ARHGAP18: variants seen among roughly 807,000 people sequenced by gnomAD.
ARHGAP18 encodes the protein Rho GTPase activating protein 18.
Under a neutral mutation model 86.2 loss-of-function variants are expected in ARHGAP18, and 67 were observed. The observed-to-expected ratio is 0.78, with a 90% CI of 0.64 to 0.95. ARHGAP18 has a LOEUF of 0.95. Among genes scored for constraint, ARHGAP18 ranks in the 40% least tolerant of loss-of-function variants. The pLI is 0.00. For missense variants in ARHGAP18, 691 were observed against 780.4 expected, an observed-to-expected ratio of 0.89 and a Z score of 1.37; for synonymous variants, 283 against 280.4, an observed-to-expected ratio of 1.01 and a Z score of -0.09.
chr6:129,606,920 G>C (rs1584040350), intron 9 of ARHGAP18, among the ~76,000 whole-genome samples: 1 of 151,736 alleles, frequency 6.6e-6, no homozygotes, highest in African/African-American at 2.4e-5. Flanking sequence ...GAGTACAGTG[G>C]TGTGATTTTG....
At chr6:129,613,090 A>G (rs923948280) in intron 7 of ARHGAP18, among the ~76,000 whole-genome samples, 6 of 151,974 alleles carry the variant, frequency 3.9e-5, no homozygotes, top group African/African-American at 1.4e-4. Context: ...AAAATTAGCC[A>G]GGCGTGGTGG....
intron 12 of ARHGAP18, among the ~76,000 whole-genome samples, chr6:129,584,817 T>C (rs1391775101): frequency 6.6e-6 from 1 of 152,186 alleles, no homozygotes; most frequent in Admixed American, 6.5e-5. Context: ...TTTATAACCA[T>C]TATGACTTAG....
intron 3 of ARHGAP18, among the ~76,000 whole-genome samples, chr6:129,637,317 G>C (rs1483896956): frequency 6.6e-6 from 1 of 151,990 alleles, no homozygotes; most frequent in Middle Eastern, 3.2e-3. Flanking sequence ...CAAAGTGCTG[G>C]GATAACAGCT....
intron 8 of ARHGAP18, among the ~76,000 whole-genome samples, chr6:129,608,774 G>A (rs766129787): frequency 8.6e-5 from 13 of 152,030 alleles, no homozygotes; most frequent in African/African-American, 1.7e-4. Context: ...ATCCTATCAC[G>A]TTAAAAACCA....
chr6:129,624,036 AG>A (rs1789287676), intron 5 of ARHGAP18, among the ~76,000 whole-genome samples: 1 of 152,174 alleles, frequency 6.6e-6, no homozygotes, highest in Admixed American at 6.5e-5. Context: ...AGGTAGGTGA[AG>A]GTAAATTAGT....
chr6:129,646,617 A>AT (rs945063217), intron 1 of ARHGAP18, among the ~76,000 whole-genome samples: 1 of 152,180 alleles, frequency 6.6e-6, no homozygotes, highest in African/African-American at 2.4e-5. Context: ...TAAAAAGGCC[A>AT]TTTTTCAAAT....
In ARHGAP18 at chr6:129,694,428, G is replaced by A. The variant is rs571424877; in HGVS notation, c.113+15596C>T. 1.1e-4 allele frequency among the ~76,000 whole-genome samples: 17 copies of A among 152,268 alleles called. 1 individual carries two copies. In the South Asian group the frequency reaches 3.3e-3, roughly 30 times the overall value. On this transcript the variant is annotated intron_variant, in intron 1 of 14. Coordinates refer to ENST00000368149, the MANE Select transcript of ARHGAP18 (RefSeq NM_033515.3). ...TTGCTATGAGGATTAAATGAGGTAA[G>A]ATAGCCTCTCCAACTCAGTGGCAGT... is the stretch of plus-strand genomic sequence containing the variant.
At chr6:129,614,880 G>A (rs58819072) in intron 7 of ARHGAP18, among the ~76,000 whole-genome samples, 22,684 of 151,756 alleles carry the variant, frequency 0.15, 1,820 homozygotes, top group Middle Eastern at 0.19. Context: ...CCAAAGAAGC[G>A]GCAATTTTGC....
chr6:129,677,112 G>A (rs779303355), intron 1 of ARHGAP18, among the ~76,000 whole-genome samples: 1 of 151,918 alleles, frequency 6.6e-6, no homozygotes, highest in East Asian at 1.9e-4. Flanking sequence ...GCTTATGTTG[G>A]CCGGGCGCGG....
chr6:129,693,324 T>C (rs184298999), intron 1 of ARHGAP18, among the ~76,000 whole-genome samples: 1 of 152,364 alleles, frequency 6.6e-6, no homozygotes, highest in East Asian at 1.9e-4. Flanking sequence ...CAACCATTAA[T>C]GCCAGCAGTG....
chr6:129,590,901 T>C (rs75041561), intron 12 of ARHGAP18, among the ~76,000 whole-genome samples: 15 of 152,252 alleles, frequency 9.9e-5, no homozygotes, highest in African/African-American at 3.4e-4. Flanking sequence ...AATACAGAGA[T>C]TGAGAGTTTG....
intron 3 of ARHGAP18, among the ~76,000 whole-genome samples, chr6:129,634,816 A>C (rs1773297944): frequency 1.3e-5 from 2 of 152,180 alleles, no homozygotes; most frequent in African/African-American, 4.8e-5. Flanking sequence ...ATGGTATGTG[A>C]ATTATATCTC....
In ARHGAP18 at chr6:129,638,426, T is replaced by C. The variant is rs1464535323; in HGVS notation, c.520A>G (p.Ile174Val). 6.2e-7 allele frequency: 1 copy of C among 1,614,196 alleles called. No homozygotes were observed. Among genetic ancestry groups the C allele is most frequent in the Admixed American group, 1.7e-5 (1 of 60,022 alleles). ...TTTGATTCTCTCTGTTGAGCAAATA[T>C]GTCTCTGACGTCAGGAATCTGGTAC... ...KQYQIPDVRD[I>V]FAQQRESKET... Residue 174 changes from isoleucine (I) to valine (V), a missense_variant, in exon 3 of 15, where the codon ATA becomes GTA. By Grantham distance (29) the Ile-to-Val change is conservative. Coordinates refer to ENST00000368149, the MANE Select transcript of ARHGAP18 (RefSeq NM_033515.3).
intron 5 of ARHGAP18, among the ~76,000 whole-genome samples, chr6:129,622,993 C>CA (rs1789261654): frequency 1.0e-5 from 1 of 97,056 alleles, no homozygotes; most frequent in Non-Finnish European, 2.0e-5. Context: ...AAGAGTGAAA[C>CA]TCCATCTCAA....
At position 129,647,770 on chromosome 6, in the gene ARHGAP18, A is replaced by C. The variant is rs149342777; in HGVS notation, c.114-5752T>G. On this transcript the variant is annotated intron_variant, in intron 1 of 14. Coordinates refer to ENST00000368149, the MANE Select transcript of ARHGAP18 (RefSeq NM_033515.3). ...ATTTTAGAAGAAGCCATATGTATTG[A>C]AGTGTAAACATTAGAATGCTATTGC... Among the ~76,000 whole-genome samples the C allele has an allele frequency of 6.3e-3, 963 of 152,234 alleles. 14 individuals carry two copies. Among genetic ancestry groups the C allele is most frequent in the African/African-American group, 0.022 (905 of 41,558 alleles).
At chr6:129,621,632 G>A (rs985698969) in intron 5 of ARHGAP18, among the ~76,000 whole-genome samples, 3 of 152,138 alleles carry the variant, frequency 2.0e-5, no homozygotes, top group Admixed American at 6.5e-5. Flanking sequence ...AGGTTGTGGC[G>A]AAGATCAAAT....
At chr6:129,702,857 G>A (rs1270268322) in intron 1 of ARHGAP18, among the ~76,000 whole-genome samples, 4 of 152,134 alleles carry the variant, frequency 2.6e-5, no homozygotes, top group Admixed American at 1.3e-4. Flanking sequence ...AAAATTAGAC[G>A]GGTGTGGTGG....
At chr6:129,668,939 A>G (rs935368032) in intron 1 of ARHGAP18, among the ~76,000 whole-genome samples, 5 of 152,168 alleles carry the variant, frequency 3.3e-5, no homozygotes, top group Non-Finnish European at 5.9e-5. Flanking sequence ...CTCTTTGAAC[A>G]CTTGTTTCCT....
chr6:129,670,682 G>C (rs912902462), intron 1 of ARHGAP18, among the ~76,000 whole-genome samples: 2 of 137,374 alleles, frequency 1.5e-5, no homozygotes, highest in Non-Finnish European at 3.1e-5. Flanking sequence ...ATGTGAAGTC[G>C]TAACTCTTTT....
Sources: allele counts gnomAD v4.1 joint callset (sites outside exome capture counted in the v4.1 genomes callset), GRCh38; gene constraint gnomAD v4.1.1; transcripts MANE v1.5; gene names NCBI Gene and HGNC (gene_info 2026-07-23, HGNC 2026-07-21).